The following DNAAF9 variants were observed in gnomAD, a reference collection of about 807,000 sequenced individuals.
DNAAF9 encodes dynein axonemal assembly factor 9, also known as shulin.
Under a neutral mutation model 167.0 loss-of-function variants are expected in DNAAF9, and 90 were observed. The observed-to-expected ratio is 0.54, with a 90% CI of 0.45 to 0.64. The LOEUF (loss-of-function observed/expected upper bound fraction) is 0.64, where lower values mean the gene tolerates loss of function less well. Among genes scored for constraint, DNAAF9 ranks in the 30% least tolerant of loss-of-function variants. The pLI, the probability that DNAAF9 is intolerant of heterozygous loss-of-function variation, is 0.00. For missense variants in DNAAF9, 1,315 were observed against 1,442.2 expected (o/e 0.91, Z 1.43); for synonymous variants, 491 against 508.8 (o/e 0.96, Z 0.47).
chr20:3,332,501 T>A, intron 10 of DNAAF9, 140 bp from the exon 11 acceptor site: 2 of 499,126 alleles, frequency 4.0e-6, no homozygotes, highest in East Asian at 7.0e-5. Context: ...TCATGTAGGA[T>A]GGAGTGCAGT....
intron 30 of DNAAF9, 46 bp from the exon 31 acceptor site, chr20:3,264,570 T>G (rs751330343): frequency 2.3e-5 from 22 of 943,390 alleles, no homozygotes; most frequent in Non-Finnish European, 3.6e-5. Context: ...GGACTGTCAA[T>G]CTCTTTTTTT....
At chr20:3,377,607 G>T (rs113104836) in intron 3 of DNAAF9, among the ~76,000 whole-genome samples, 269 of 151,946 alleles carry the variant, frequency 1.8e-3, no homozygotes, top group African/African-American at 5.7e-3. Flanking sequence ...ACAGGTGAGC[G>T]CCACCATGCC....
At chr20:3,382,607 C>T in intron 1 of DNAAF9, 101 bp from the exon 2 acceptor site, 1 of 869,604 alleles carries the variant, frequency 1.1e-6, no homozygotes, top group East Asian at 2.5e-5. Context: ...AGAGGAATGA[C>T]TTTGCTGGGG....
chr20:3,376,661 G>C (rs6084354), intron 3 of DNAAF9, among the ~76,000 whole-genome samples: 76,970 of 152,072 alleles, frequency 0.51, 19,587 homozygotes, highest in Middle Eastern at 0.65. Context: ...ATTTGGTTTG[G>C]TCCAGAAAGT....
At chr20:3,265,510 G>A (rs545523473) in intron 30 of DNAAF9, among the ~76,000 whole-genome samples, 2 of 146,694 alleles carry the variant, frequency 1.4e-5, no homozygotes, top group South Asian at 4.4e-4. Flanking sequence ...GAGAGGTGGA[G>A]GTTGCAGTGA....
rs1158450685 is a variant in DNAAF9 at position 3,332,222 on chromosome 20, T to A, written c.1063+58A>T. 4.4e-6 allele frequency: 4 copies of A among 917,752 alleles called. No individual in the cohort carries two copies. In the Admixed American group the frequency reaches 7.9e-5, roughly 18 times the overall value. The allele number at this position is 917,752 out of a possible 1,614,324, so 56.9% of individuals were successfully genotyped here. A position where few individuals can be genotyped will look rare whatever the true frequency, so the allele number is the denominator to read the frequency against. On this transcript the variant is annotated intron_variant, in intron 11 of 36. Transcript: ENST00000252032. ...AGTGAATTGTATGTCAACTTCTAGT[T>A]CATGGGACAGACTATTCATTAGATA...
chr20:3,275,703 C>A (rs1382590590), intron 29 of DNAAF9, among the ~76,000 whole-genome samples: 1 of 152,208 alleles, frequency 6.6e-6, no homozygotes, highest in African/African-American at 2.4e-5. Context: ...CCATAGTGAG[C>A]GGTTCCACCT....
At chr20:3,283,737 T>C (rs1429546228) in intron 27 of DNAAF9, among the ~76,000 whole-genome samples, 1 of 152,212 alleles carries the variant, frequency 6.6e-6, no homozygotes, top group African/African-American at 2.4e-5. Flanking sequence ...TCACTCAGAT[T>C]GTAGGCTTAA....
chr20:3,259,133 G>T (rs539473894), intron 33 of DNAAF9, among the ~76,000 whole-genome samples: 2 of 152,284 alleles, frequency 1.3e-5, no homozygotes, highest in East Asian at 3.9e-4. Context: ...TCAGCACTGG[G>T]GCAGCTCCTG....
chr20:3,322,381 C>T (rs1399716897), intron 15 of DNAAF9, 119 bp from the exon 16 acceptor site: 2 of 813,130 alleles, frequency 2.5e-6, no homozygotes, highest in East Asian at 2.5e-5. Context: ...GCTCTTAGGG[C>T]CTTTCAAAAC....
chr20:3,264,545 G>T (rs766961605), intron 30 of DNAAF9, 21 bp from the exon 31 acceptor site: 19 of 1,200,706 alleles, frequency 1.6e-5, no homozygotes, highest in Non-Finnish European at 2.1e-5. Context: ...ACACAGAAAA[G>T]ACCTAGATTA....
At chr20:3,273,902 A>T (rs1018274281) in intron 29 of DNAAF9, among the ~76,000 whole-genome samples, 2 of 151,938 alleles carry the variant, frequency 1.3e-5, no homozygotes, top group African/African-American at 2.4e-5. Context: ...GTTGAGTATA[A>T]TTTTTTCCAC....
rs1380439250 is a variant in DNAAF9, at chr20:3,251,502, T to C, written c.*1070A>G. 6.6e-6 allele frequency: 1 copy of C among 152,250 alleles called. No homozygotes were observed. Among genetic ancestry groups the C allele is most frequent in the African/African-American group, 2.4e-5 (1 of 41,462 alleles). The allele number at this position is 152,250 out of a possible 1,614,324, so 9.4% of individuals were successfully genotyped here. ...GGACACACTTGTAATTCCCCTCTGC[T>C]TTATGGTCCAGCTTAAAACGATGCC... On this transcript the variant is annotated 3_prime_UTR_variant, in exon 37 of 37. Coordinates refer to ENST00000252032, the MANE Select transcript of DNAAF9 (RefSeq NM_001009984.3).
At chr20:3,274,753 C>T (rs893999790) in intron 29 of DNAAF9, among the ~76,000 whole-genome samples, 2 of 152,330 alleles carry the variant, frequency 1.3e-5, no homozygotes, top group South Asian at 4.1e-4. Context: ...AATTGAGCAT[C>T]AGCCTGAGAA....
At chr20:3,319,091 A>G (rs919752960) in intron 16 of DNAAF9, among the ~76,000 whole-genome samples, 6 of 121,774 alleles carry the variant, frequency 4.9e-5, no homozygotes, top group Non-Finnish European at 9.8e-5. Context: ...TCAAAAAAAA[A>G]AAAAAAAAAA....
At position 3,340,472 on chromosome 20, in the gene DNAAF9, C is replaced by T. The variant is rs762949370; in HGVS notation, c.981+32G>A. On this transcript the variant is annotated intron_variant, in intron 10 of 36. Coordinates refer to ENST00000252032, the MANE Select transcript of DNAAF9 (RefSeq NM_001009984.3). ...CCACCCCCACAACTTGATAATAAAA[C>T]TAATCAAGCACCAGGCAGTCCAGCC... The T allele has an allele frequency of 9.0e-5, 37 of 410,338 alleles. 1 individual carries two copies. The highest frequency in any genetic ancestry group is 1.2e-4 in the Non-Finnish European group (33 of 279,900). The allele number at this position is 410,338 out of a possible 1,614,324, so 25.4% of individuals were successfully genotyped here.
At chr20:3,296,799 G>T in intron 23 of DNAAF9, 62 bp downstream of exon 23, 2 of 1,041,606 alleles carry the variant, frequency 1.9e-6, no homozygotes, top group Non-Finnish European at 3.0e-6. Flanking sequence ...GAGGCATCCT[G>T]CAGAGAGAGC....
intron 1 of DNAAF9, among the ~76,000 whole-genome samples, chr20:3,406,380 G>T (rs1363560555): frequency 6.6e-6 from 1 of 152,168 alleles, no homozygotes; most frequent in Non-Finnish European, 1.5e-5. Flanking sequence ...TTTGCTATGT[G>T]GCTAGAATAA....
rs530041078 is a variant in DNAAF9 at position 3,315,966 on chromosome 20, C to A, written c.1540-181G>T. ...GTCTGCTGGTCACCTGGGCTCAGAG[C>A]CCAAGGCCTTGGTGGGCTCTCTCAC... On this transcript the variant is annotated intron_variant, in intron 18 of 36. Coordinates refer to ENST00000252032, the MANE Select transcript of DNAAF9 (RefSeq NM_001009984.3). This position sits in a 1 kb window ranked among gnomAD's most constrained non-coding sequence, Gnocchi z 4.1. The A allele has an allele frequency of 3.8e-5, 24 of 623,920 alleles. No individual in the cohort carries two copies. Among genetic ancestry groups the A allele is most frequent in the Non-Finnish European group, 6.0e-5 (21 of 348,128 alleles). 38.6% of individuals were successfully genotyped at this position (623,920 alleles called of 1,614,324 possible). A position where few individuals can be genotyped will look rare whatever the true frequency, so the allele number is the denominator to read the frequency against.
Sources: allele counts gnomAD v4.1 joint callset (sites outside exome capture counted in the v4.1 genomes callset), GRCh38; gene constraint gnomAD v4.1.1; non-coding constraint Gnocchi (gnomAD v3.1); transcripts MANE v1.5; gene names NCBI Gene and HGNC (gene_info 2026-07-23, HGNC 2026-07-21).